The following NCALD variants were observed in gnomAD, a reference collection of about 807,000 sequenced individuals.
NCALD encodes the protein neurocalcin-delta.
A neutral mutation model predicts 18.6 loss-of-function variants in NCALD; 10 were observed. The ratio of observed to expected loss-of-function variants is 0.54; its 90% CI spans 0.33 to 0.91. The LOEUF is 0.91. Ranked by LOEUF, NCALD falls within the 40% of genes least tolerant of loss-of-function variation. NCALD has a pLI of 0.03. For synonymous variants in NCALD, 88 were observed against 87.4 expected, an observed-to-expected ratio of 1.01 and a Z score of -0.04; for missense variants, 184 against 247.6, an observed-to-expected ratio of 0.74 and a Z score of 1.72.
intron 1 of NCALD, among the ~76,000 whole-genome samples, chr8:101,748,414 G>A (rs777477033): frequency 6.6e-6 from 1 of 152,148 alleles, no homozygotes; most frequent in Admixed American, 6.6e-5. Context: ...TGGCTTGATT[G>A]TCAGCTCGTT....
chr8:101,871,938 A>G lies in NCALD; in HGVS notation c.-20+15203T>C, dbSNP rs1387294903. ...TAGGGTTTTCCTCCAAGTCCGTCTTAACTGCTCTAGATTCAGACAGTTTCC... is the reference window on the plus strand; with the variant it reads ...TAGGGTTTTCCTCCAAGTCCGTCTTGACTGCTCTAGATTCAGACAGTTTCC... On this transcript the variant is annotated intron_variant, in intron 4 of 6. Transcript: ENST00000311028. 1.1e-5 allele frequency: 8 copies of G among 729,428 alleles called. No individual in the cohort carries two copies. In the South Asian group the frequency reaches 1.2e-4, roughly 11 times the overall value. The allele number at this position is 729,428 out of a possible 1,614,324, so 45.2% of individuals were successfully genotyped here. A position where few individuals can be genotyped will look rare whatever the true frequency, so the allele number is the denominator to read the frequency against.
At chr8:102,018,779 G>A (rs1449314523) in intron 2 of NCALD, among the ~76,000 whole-genome samples, 3 of 152,130 alleles carry the variant, frequency 2.0e-5, no homozygotes, top group African/African-American at 7.2e-5. Context: ...TAGTGCTATG[G>A]CAAAAGAATG....
intron 2 of NCALD, among the ~76,000 whole-genome samples, chr8:102,013,035 G>A (rs906345657): frequency 6.6e-6 from 1 of 151,918 alleles, no homozygotes; most frequent in African/African-American, 2.4e-5. Context: ...ACATACATAA[G>A]TATTAGAGGA....
intron 2 of NCALD, among the ~76,000 whole-genome samples, chr8:101,978,644 A>AGGT (rs3056902): frequency 0.031 from 4,777 of 151,862 alleles, 94 homozygotes; most frequent in African/African-American, 0.051. Flanking sequence ...TAATGTGTGC[A>AGGT]GGTGGTGGTG....
chr8:101,704,490 G>C (rs1461898282), intron 2 of NCALD, among the ~76,000 whole-genome samples: 1 of 152,054 alleles, frequency 6.6e-6, no homozygotes, highest in Non-Finnish European at 1.5e-5. Context: ...GGTGACTTCT[G>C]GTATCTGCCA....
At chr8:102,085,464 T>C (rs1230876358) in intron 1 of NCALD, among the ~76,000 whole-genome samples, 1 of 152,130 alleles carries the variant, frequency 6.6e-6, no homozygotes, top group Non-Finnish European at 1.5e-5. Context: ...TTTAGAAGTA[T>C]CTAGTGCTGG....
At chr8:101,741,964 A>G (rs1451805435) in intron 1 of NCALD, among the ~76,000 whole-genome samples, 7 of 149,134 alleles carry the variant, frequency 4.7e-5, no homozygotes, top group African/African-American at 1.7e-4. Context: ...GAAAAGAAAA[A>G]AAAAAAGGGC....
chr8:102,028,216 C>G (rs1822530684), intron 1 of NCALD, among the ~76,000 whole-genome samples: 1 of 152,136 alleles, frequency 6.6e-6, no homozygotes, highest in Non-Finnish European at 1.5e-5. Flanking sequence ...CGAATATGAA[C>G]AGTTATGCAT....
intron 1 of NCALD, among the ~76,000 whole-genome samples, chr8:102,076,967 C>T (rs547912802): frequency 6.6e-6 from 1 of 152,312 alleles, no homozygotes; most frequent in Admixed American, 6.5e-5. Flanking sequence ...ATTGAGAATT[C>T]TGCTTGAGGC....
intron 2 of NCALD, among the ~76,000 whole-genome samples, chr8:102,007,765 T>G (rs1821762047): frequency 6.6e-6 from 1 of 152,042 alleles, no homozygotes; most frequent in Non-Finnish European, 1.5e-5. Flanking sequence ...GAGATTAAGG[T>G]TTTTTGCAGT....
At chr8:101,956,359 T>C (rs1225772673) in intron 2 of NCALD, among the ~76,000 whole-genome samples, 1 of 152,038 alleles carries the variant, frequency 6.6e-6, no homozygotes, top group Non-Finnish European at 1.5e-5. Context: ...TCAAACCAGT[T>C]TCTCCAAGTT....
At chr8:101,703,245 T>G (rs1028801381) in intron 2 of NCALD, among the ~76,000 whole-genome samples, 1 of 152,144 alleles carries the variant, frequency 6.6e-6, no homozygotes, top group Admixed American at 6.5e-5. Context: ...AAGACAGAGA[T>G]ATTGTAGATA....
intron 1 of NCALD, among the ~76,000 whole-genome samples, chr8:102,099,317 C>T (rs925003601): frequency 6.6e-6 from 1 of 152,174 alleles, no homozygotes; most frequent in African/African-American, 2.4e-5. Context: ...TTCACACAGT[C>T]ACTAACAGTA....
intron 4 of NCALD, among the ~76,000 whole-genome samples, chr8:101,851,303 A>G (rs972153155): frequency 2.0e-5 from 3 of 152,158 alleles, no homozygotes; most frequent in Non-Finnish European, 4.4e-5. Context: ...AGTTGCAAGC[A>G]TCTTATGAAT....
intron 1 of NCALD, among the ~76,000 whole-genome samples, chr8:101,785,499 G>A (rs1025983112): frequency 1.3e-5 from 2 of 152,124 alleles, no homozygotes; most frequent in Non-Finnish European, 2.9e-5. Context: ...CTAGATAGAA[G>A]GAGCCTGAGT....
chr8:102,006,359 A>G (rs1821713172), intron 2 of NCALD, among the ~76,000 whole-genome samples: 1 of 152,140 alleles, frequency 6.6e-6, no homozygotes, highest in Non-Finnish European at 1.5e-5. Flanking sequence ...TAGTAGCTAT[A>G]AATTAATAAA....
At chr8:101,919,957 C>G (rs1818106104) in intron 2 of NCALD, among the ~76,000 whole-genome samples, 1 of 152,032 alleles carries the variant, frequency 6.6e-6, no homozygotes, top group Admixed American at 6.6e-5. Context: ...GTTCAACCCC[C>G]ATAGAAAAGC....
chr8:101,963,965 T>C (rs1338060227), intron 2 of NCALD, among the ~76,000 whole-genome samples: 1 of 152,234 alleles, frequency 6.6e-6, no homozygotes, highest in East Asian at 1.9e-4. Flanking sequence ...TTATACTTAA[T>C]GGAACTTCAT....
intron 1 of NCALD, among the ~76,000 whole-genome samples, chr8:102,093,140 CAG>C (rs1406422653): frequency 1.3e-5 from 2 of 151,356 alleles, no homozygotes; most frequent in Admixed American, 6.6e-5. Flanking sequence ...GCCAGAGCAA[CAG>C]AGTGAGACCC....
Sources: allele counts gnomAD v4.1 joint callset (sites outside exome capture counted in the v4.1 genomes callset), GRCh38; gene constraint gnomAD v4.1.1; transcripts MANE v1.5; gene names NCBI Gene and HGNC (gene_info 2026-07-23, HGNC 2026-07-21).